NRG3: variants seen among roughly 807,000 people sequenced by gnomAD.
The protein encoded by NRG3 is pro-neuregulin-3, membrane-bound isoform.
A neutral mutation model predicts 66.9 loss-of-function variants in NRG3; 31 were observed. The observed-to-expected ratio is 0.46, with a 90% CI of 0.35 to 0.63. The LOEUF (loss-of-function observed/expected upper bound fraction) is 0.63. Ranked by LOEUF, NRG3 falls within the 20% of genes least tolerant of loss-of-function variation. The pLI is 0.00. For missense variants in NRG3, 910 were observed against 878.9 expected (o/e 1.04, Z -0.45); for synonymous variants, 393 against 359.4 (o/e 1.09, Z -1.06).
chr10:82,481,528 C>G (rs1208540168), intron 2 of NRG3, among the ~76,000 whole-genome samples: 1 of 152,080 alleles, frequency 6.6e-6, no homozygotes, highest in Non-Finnish European at 1.5e-5. Context: ...AATGATTACT[C>G]TATTTAATTA....
At chr10:82,200,831 A>C (rs1234188275) in intron 1 of NRG3, among the ~76,000 whole-genome samples, 1 of 152,090 alleles carries the variant, frequency 6.6e-6, no homozygotes, top group Non-Finnish European at 1.5e-5. Context: ...GTCATGTCCT[A>C]TTGCCACTGA....
At chr10:82,446,535 A>G (rs1412103718) in intron 2 of NRG3, among the ~76,000 whole-genome samples, 1 of 152,190 alleles carries the variant, frequency 6.6e-6, no homozygotes, top group Non-Finnish European at 1.5e-5. Context: ...TAATGCAAAA[A>G]CAGAAAAACA....
intron 1 of NRG3, among the ~76,000 whole-genome samples, chr10:81,981,466 C>G (rs1353740177): frequency 6.6e-6 from 1 of 152,178 alleles, no homozygotes; most frequent in Non-Finnish European, 1.5e-5. Flanking sequence ...GGGGTGGTGG[C>G]TCTGCTTTGT....
chr10:82,165,288 C>T lies in NRG3; in HGVS notation c.824-193451C>T, dbSNP rs148709477. Among the ~76,000 whole-genome samples, 32 of 151,910 alleles carry T rather than the reference C, an allele frequency of 2.1e-4. No individual in the cohort carries two copies. The East Asian group carries it at 5.6e-3, about 27-fold the overall frequency. On this transcript the variant is annotated intron_variant, in intron 1 of 8. Coordinates refer to ENST00000372141, the MANE Select transcript of NRG3 (RefSeq NM_001010848.4). Reference sequence around the variant, plus strand: ...TTTTAAGAATTTTTATATAAAAATACGATTTGCATTCCATATCAGACACCT... The same window carrying T: ...TTTTAAGAATTTTTATATAAAAATATGATTTGCATTCCATATCAGACACCT...
chr10:82,517,668 T>C (rs1183091070), intron 2 of NRG3, among the ~76,000 whole-genome samples: 4 of 113,752 alleles, frequency 3.5e-5, no homozygotes, highest in Admixed American at 1.8e-4. Flanking sequence ...TGTGTGTGTG[T>C]GCATGTGTGT....
At chr10:82,546,454 G>C (rs2043923403) in intron 2 of NRG3, among the ~76,000 whole-genome samples, 1 of 151,986 alleles carries the variant, frequency 6.6e-6, no homozygotes, top group Admixed American at 6.6e-5. Context: ...GATTTTGTAC[G>C]TGTTACTTTA....
At chr10:82,526,069 T>C (rs1267153641) in intron 2 of NRG3, among the ~76,000 whole-genome samples, 1 of 151,994 alleles carries the variant, frequency 6.6e-6, no homozygotes, top group Non-Finnish European at 1.5e-5. Context: ...GGACACAGTC[T>C]AAGTTAGCGA....
At chr10:82,876,852 C>T (rs7906472) in intron 4 of NRG3, among the ~76,000 whole-genome samples, 9,505 of 151,794 alleles carry the variant, frequency 0.063, 502 homozygotes, top group African/African-American at 0.14. Context: ...GATGAAACCC[C>T]GTCTCTAATA....
chr10:82,258,783 G>T (rs945565163), intron 1 of NRG3, among the ~76,000 whole-genome samples: 7 of 152,164 alleles, frequency 4.6e-5, no homozygotes, highest in Non-Finnish European at 1.0e-4. Flanking sequence ...GAAGGTTGGA[G>T]GTGTGAAATG....
chr10:82,491,316 A>ATATATATATATATATAT (rs1389375279), intron 2 of NRG3, among the ~76,000 whole-genome samples: 28 of 136,720 alleles, frequency 2.0e-4, no homozygotes, highest in Non-Finnish European at 2.9e-4. Context: ...ATATATATAT[A>ATATATATATATATATAT]AAATAAAGAT....
intron 2 of NRG3, among the ~76,000 whole-genome samples, chr10:82,591,110 G>C (rs1383851619): frequency 6.6e-6 from 1 of 152,174 alleles, no homozygotes; most frequent in Non-Finnish European, 1.5e-5. Flanking sequence ...CTTTTCACTA[G>C]TGGGAAAGGG....
intron 1 of NRG3, among the ~76,000 whole-genome samples, chr10:82,028,503 A>C (rs1475001967): frequency 6.6e-6 from 1 of 152,082 alleles, no homozygotes; most frequent in Non-Finnish European, 1.5e-5. Flanking sequence ...TGATCCTCAC[A>C]TATGAGGTAC....
At chr10:82,588,255 A>G (rs2133280599) in intron 2 of NRG3, among the ~76,000 whole-genome samples, 1 of 152,202 alleles carries the variant, frequency 6.6e-6, no homozygotes, top group South Asian at 2.1e-4. Flanking sequence ...AGGTTTTTGG[A>G]TCATAGGGAG....
At position 82,646,757 on chromosome 10, in the gene NRG3, G is replaced by C. The variant is rs142718955; in HGVS notation, c.954-91820G>C. Among the ~76,000 whole-genome samples, 4 of 152,156 alleles carry C rather than the reference G, an allele frequency of 2.6e-5. No individual in the cohort carries two copies. In the East Asian group the frequency reaches 5.8e-4, roughly 22 times the overall value. ...GGCACTGATTGGTGTTAAGCATGGTGGGGGAGCAGAGATCAGACCATGTGA... is the reference window on the plus strand; with the variant it reads ...GGCACTGATTGGTGTTAAGCATGGTCGGGGAGCAGAGATCAGACCATGTGA... On this transcript the variant is annotated intron_variant, in intron 2 of 8. Transcript: ENST00000372141.
chr10:82,246,971 C>G (rs1028620810), intron 1 of NRG3, among the ~76,000 whole-genome samples: 1 of 152,086 alleles, frequency 6.6e-6, no homozygotes, highest in African/African-American at 2.4e-5. Context: ...GAAAACCTGC[C>G]GTAAGCTATA....
intron 4 of NRG3, among the ~76,000 whole-genome samples, chr10:82,915,295 G>T (rs957892304): frequency 6.6e-6 from 1 of 152,058 alleles, no homozygotes; most frequent in Non-Finnish European, 1.5e-5. Flanking sequence ...GTTTCACTTT[G>T]TTCTTTTTGG....
chr10:82,821,786 C>A (rs977616215), intron 3 of NRG3, among the ~76,000 whole-genome samples: 1 of 152,160 alleles, frequency 6.6e-6, no homozygotes, highest in Non-Finnish European at 1.5e-5. Context: ...GTATTACCAA[C>A]TTACACTCAT....
At chr10:82,048,316 A>G (rs911386822) in intron 1 of NRG3, among the ~76,000 whole-genome samples, 1 of 151,226 alleles carries the variant, frequency 6.6e-6, no homozygotes, top group East Asian at 1.9e-4. Flanking sequence ...GCACCACACC[A>G]CACCTATTCC....
chr10:82,290,887 C>T (rs1285008763), intron 1 of NRG3, among the ~76,000 whole-genome samples: 3 of 151,684 alleles, frequency 2.0e-5, no homozygotes, highest in Non-Finnish European at 4.4e-5. Context: ...TCGTGATCTG[C>T]CCGCCTCGGC....
Sources: allele counts gnomAD v4.1 joint callset (sites outside exome capture counted in the v4.1 genomes callset), GRCh38; gene constraint gnomAD v4.1.1; transcripts MANE v1.5; gene names NCBI Gene and HGNC (gene_info 2026-07-23, HGNC 2026-07-21).